SLC4A4: variants seen among roughly 807,000 people sequenced by gnomAD.
The protein encoded by SLC4A4 is electrogenic sodium bicarbonate cotransporter 1.
Under a neutral mutation model 111.5 loss-of-function variants are expected in SLC4A4, and 27 were observed. The ratio of observed to expected loss-of-function variants is 0.24; its 90% CI spans 0.18 to 0.33. The LOEUF is 0.33. Ranked by LOEUF, SLC4A4 falls within the 10% of genes least tolerant of loss-of-function variation. The pLI is 1.00. For synonymous variants in SLC4A4, 443 were observed against 463.4 expected, an observed-to-expected ratio of 0.96 and a Z score of 0.57; for missense variants, 909 against 1,315.5, an observed-to-expected ratio of 0.69 and a Z score of 4.78.
At chr4:71,107,188 C>A (rs1318993343) in intron 2 of SLC4A4, among the ~76,000 whole-genome samples, 3 of 151,968 alleles carry the variant, frequency 2.0e-5, no homozygotes, top group African/African-American at 7.3e-5. Flanking sequence ...ATTCATTCTG[C>A]CAATCTCTGT....
At chr4:71,102,940 T>G (rs1742802813) in intron 2 of SLC4A4, among the ~76,000 whole-genome samples, 1 of 149,878 alleles carries the variant, frequency 6.7e-6, no homozygotes, top group Non-Finnish European at 1.5e-5. Context: ...TAAATGTAAA[T>G]GGACTAAATG....
intron 1 of SLC4A4, among the ~76,000 whole-genome samples, chr4:71,202,632 T>A (rs530592293): frequency 6.6e-6 from 1 of 151,940 alleles, no homozygotes; most frequent in African/African-American, 2.4e-5. Flanking sequence ...TCTTTGAAAA[T>A]TTTTTTTAAA....
At chr4:71,244,058 A>C (rs1720448784) in intron 2 of SLC4A4, among the ~76,000 whole-genome samples, 3 of 152,302 alleles carry the variant, frequency 2.0e-5, no homozygotes, top group South Asian at 4.1e-4. Context: ...CCCAACCCCC[A>C]ATTGATTATT....
intron 7 of SLC4A4, among the ~76,000 whole-genome samples, chr4:71,412,479 G>T: frequency 6.6e-6 from 1 of 152,210 alleles, no homozygotes; most frequent in East Asian, 1.9e-4. Flanking sequence ...GCAGATGGAT[G>T]TTTCGTGGAA....
chr4:71,566,886 TA>T, intron 24 of SLC4A4, 117 bp from the exon 25 acceptor site: 2 of 736,472 alleles, frequency 2.7e-6, no homozygotes, highest in Non-Finnish European at 4.6e-6. Flanking sequence ...TTGAAATGCC[TA>T]AACTTGTCTT....
intron 2 of SLC4A4, among the ~76,000 whole-genome samples, chr4:71,178,782 G>A (rs4317171): frequency 2.0e-5 from 3 of 152,090 alleles, no homozygotes; most frequent in Non-Finnish European, 4.4e-5. Flanking sequence ...GGTACAAGGA[G>A]GAGCTGGTAC....
intron 16 of SLC4A4, among the ~76,000 whole-genome samples, chr4:71,499,060 A>G (rs1172540485): frequency 2.9e-5 from 4 of 138,750 alleles, no homozygotes; most frequent in Admixed American, 7.4e-5. Flanking sequence ...CCTGGGTAAA[A>G]GTCTTTGAGG....
intron 7 of SLC4A4, among the ~76,000 whole-genome samples, chr4:71,423,934 A>G (rs1577863092): frequency 6.6e-6 from 1 of 152,192 alleles, no homozygotes; most frequent in Non-Finnish European, 1.5e-5. Flanking sequence ...GGCATGGGCA[A>G]GGACTTCATG....
intron 1 of SLC4A4, among the ~76,000 whole-genome samples, chr4:71,193,923 A>G (rs1745869940): frequency 6.6e-6 from 1 of 152,206 alleles, no homozygotes; most frequent in Non-Finnish European, 1.5e-5. Flanking sequence ...AAACATTTTG[A>G]ACTTGTAAAG....
intron 2 of SLC4A4, among the ~76,000 whole-genome samples, chr4:71,096,050 T>C (rs930095988): frequency 9.9e-5 from 15 of 152,166 alleles, no homozygotes; most frequent in Admixed American, 2.0e-4. Flanking sequence ...TCTCCCTTCC[T>C]GCACTCTAGG....
At chr4:71,263,110 G>A (rs530388392) in intron 3 of SLC4A4, among the ~76,000 whole-genome samples, 4 of 149,160 alleles carry the variant, frequency 2.7e-5, no homozygotes, top group African/African-American at 4.9e-5. Context: ...GAGAACATGC[G>A]GTGCAAACAA....
At chr4:71,091,504 C>T (rs181824759) in intron 1 of SLC4A4, among the ~76,000 whole-genome samples, 34 of 150,530 alleles carry the variant, frequency 2.3e-4, no homozygotes, top group Admixed American at 1.1e-3. Context: ...CTGCTTGTCT[C>T]GGCCTCCCAA....
At chr4:71,500,916 T>C (rs1052876934) in intron 16 of SLC4A4, among the ~76,000 whole-genome samples, 6 of 152,188 alleles carry the variant, frequency 3.9e-5, no homozygotes, top group Admixed American at 6.5e-5. Context: ...CTCTTTTTGC[T>C]CAAGATTGGT....
chr4:71,418,397 T>C (rs973843006), intron 7 of SLC4A4, among the ~76,000 whole-genome samples: 10 of 152,196 alleles, frequency 6.6e-5, no homozygotes, highest in Non-Finnish European at 1.3e-4. Flanking sequence ...CACCAGAGCC[T>C]TTTGGCAACT....
chr4:71,191,293 A>C (rs1490306149), intron 1 of SLC4A4, among the ~76,000 whole-genome samples: 2 of 152,242 alleles, frequency 1.3e-5, no homozygotes, highest in Middle Eastern at 3.2e-3. Flanking sequence ...AGTAATGTTG[A>C]AACTATGTGC....
chr4:71,497,636 T>C lies in SLC4A4; in HGVS notation c.2110T>C (p.Tyr704His). 3 of 1,613,756 alleles carry C rather than the reference T, an allele frequency of 1.9e-6. No individual in the cohort carries two copies. Among genetic ancestry groups the C allele is most frequent in the Non-Finnish European group, 2.5e-6 (3 of 1,179,764 alleles). Reference protein sequence around the residue: ...LMSFILFLGTYTSSMALKKFK... With the variant: ...LMSFILFLGTHTSSMALKKFK... ...GTCTTTTATCCTCTTCTTGGGAACC[T>C]ACACCTCTTCCATGGCTCTGAAAAA... Residue 704 changes from tyrosine (Y) to histidine (H), a missense_variant, in exon 16 of 26, where the codon TAC (tyrosine) becomes CAC (histidine). Transcript: ENST00000264485.
rs1725139476 is a variant in SLC4A4 at position 71,300,371 on chromosome 4, C to A, written c.254-38999C>A. The A allele has an allele frequency of 1.7e-5, 4 of 228,938 alleles. No individual in the cohort carries two copies. In the South Asian group the frequency reaches 3.2e-4, roughly 18 times the overall value. The allele number at this position is 228,938 out of a possible 1,614,324, so 14.2% of individuals were successfully genotyped here. On this transcript the variant is annotated intron_variant, in intron 3 of 25. Transcript: ENST00000264485. ...GGACTGCTGAGAGCACGGCATTGAC[C>A]ACCAGTGAGCAGGACACAACGAAGA... is the stretch of plus-strand genomic sequence containing the variant.
intron 1 of SLC4A4, among the ~76,000 whole-genome samples, chr4:71,209,557 T>G (rs2149010671): frequency 6.6e-6 from 1 of 152,302 alleles, no homozygotes; most frequent in Admixed American, 6.5e-5. Flanking sequence ...TGTAATGCAT[T>G]TTGGAGATTT....
At chr4:71,345,824 T>C (rs1227166713) in intron 4 of SLC4A4, among the ~76,000 whole-genome samples, 3 of 152,140 alleles carry the variant, frequency 2.0e-5, no homozygotes, top group Non-Finnish European at 2.9e-5. Flanking sequence ...TAATCATCTA[T>C]GTAATCATAT....
Sources: gnomAD v4.1 joint callset for allele counts (sites outside exome capture counted in the v4.1 genomes callset) on GRCh38, gnomAD v4.1.1 for gene constraint, MANE v1.5 for transcripts, NCBI Gene and HGNC (gene_info 2026-07-23, HGNC 2026-07-21) for gene names.